Variants in RNF213 observed in about 807,000 individuals in gnomAD.
RNF213 encodes E3 ubiquitin-protein ligase RNF213.
A neutral mutation model predicts 514.4 loss-of-function variants in RNF213; 341 were observed. That is an observed-to-expected ratio of 0.66 (90% CI 0.61 to 0.73). The LOEUF (loss-of-function observed/expected upper bound fraction) is 0.73, where lower values mean the gene tolerates loss of function less well. Among genes scored for constraint, RNF213 ranks in the 30% least tolerant of loss-of-function variants. The probability of loss-of-function intolerance (pLI) is 0.00; values close to 1 mark genes in which losing one functional copy is unlikely to be tolerated. For synonymous variants in RNF213, 2,655 were observed against 2,658.2 expected (o/e 1.00, Z 0.04); for missense variants, 5,767 against 6,615.6 (o/e 0.87, Z 4.45).
Position 80,307,333 on chromosome 17 carries a change from C to T in RNF213, c.2501+132C>T, listed in dbSNP as rs1468187841. 5 of 688,762 alleles carry T rather than the reference C, an allele frequency of 7.3e-6. No homozygotes were observed. In the Admixed American group the frequency reaches 1.1e-4, roughly 15 times the overall value. The allele number at this position is 688,762 out of a possible 1,614,324, so 42.7% of individuals were successfully genotyped here. ...TCATAAATTAATATGTGGCCCACTT[C>T]TCTTCTCAGGTTATTAATATTGTCG... is the stretch of plus-strand genomic sequence containing the variant. On this transcript the variant is annotated intron_variant, in intron 13 of 67. Transcript: ENST00000582970.
Position 80,294,740 on chromosome 17 carries a change from A to T in RNF213, c.1492A>T (p.Ile498Leu). 6.2e-7 allele frequency: 1 copy of T among 1,614,000 alleles called. No individual in the cohort carries two copies. The highest frequency in any genetic ancestry group is 8.5e-7 in the Non-Finnish European group (1 of 1,180,026). ...GSGDWHQYYD[I>L]VYMKPHGRLQ... ...CTTAGACTGGCATCAGTACTATGAC[A>T]TAGTTTATATGAAGCCTCATGGGAG... Residue 498 changes from isoleucine (I) to leucine (L), a missense_variant, in exon 9 of 68, where the codon ATA becomes TTA. Coordinates refer to ENST00000582970, the MANE Select transcript of RNF213 (RefSeq NM_001256071.3).
chr17:80,356,036 C>CTA lies in RNF213; in HGVS notation c.10862+1461_10862+1462insAT, dbSNP rs530999194. Among the ~76,000 whole-genome samples the CTA allele has an allele frequency of 4.5e-3, 677 of 149,548 alleles. 5 individuals are homozygous for CTA. Among genetic ancestry groups the CTA allele is most frequent in the African/African-American group, 0.015 (601 of 40,508 alleles). Reference sequence around the variant, plus strand: ...TTTTTTTTTGAGACGGAGTCTCACTCTGTCGCCCAGGCTGGAGTGCAGTGA... The same window carrying CTA: ...TTTTTTTTTGAGACGGAGTCTCACTCTATGTCGCCCAGGCTGGAGTGCAGTGA... On this transcript the variant is annotated intron_variant, in intron 36 of 67. Transcript: ENST00000582970.
chr17:80,350,876 G>GT (rs1486600983), intron 31 of RNF213, among the ~76,000 whole-genome samples: 1 of 152,242 alleles, frequency 6.6e-6, no homozygotes, highest in Admixed American at 6.5e-5. Flanking sequence ...TTTGAAGCCT[G>GT]TGTTTGTAGA....
intron 10 of RNF213, among the ~76,000 whole-genome samples, chr17:80,297,743 T>C (rs2045011579): frequency 6.9e-6 from 1 of 144,590 alleles, no homozygotes. Context: ...GCCAAGATCG[T>C]GCCACTGCGC....
rs1555652451 is a variant in RNF213, at chr17:80,313,783, T to TGGTGGTGGAGGTGATGGTGGA, written c.2811+623_2811+624insGAGGTGATGGTGGAGGTGGTG. Among the ~76,000 whole-genome samples, 1,177 of 130,126 alleles carry TGGTGGTGGAGGTGATGGTGGA rather than the reference T, an allele frequency of 9.0e-3. 113 individuals are homozygous for TGGTGGTGGAGGTGATGGTGGA. The highest frequency in any genetic ancestry group is 0.014 in the Non-Finnish European group (810 of 56,398). The allele number at this position is 130,126 out of a possible 152,430, so 85.4% of individuals were successfully genotyped here. On this transcript the variant is annotated intron_variant, in intron 15 of 67. Coordinates refer to ENST00000582970, the MANE Select transcript of RNF213 (RefSeq NM_001256071.3). ...GTGGTGGAGGTACTGGAGGTGATGG[T>TGGTGGTGGAGGTGATGGTGGA]GGTGGTGAAGGTGATGGTGGAGGTA...
chr17:80,393,438 CAG>C lies in RNF213; in HGVS notation c.15565_15566del (p.Ser5189LeufsTer44). 1 of 1,614,162 alleles carries C rather than the reference CAG, an allele frequency of 6.2e-7. No homozygotes were observed. Among genetic ancestry groups the C allele is most frequent in the South Asian group, 1.1e-5 (1 of 91,084 alleles). On this transcript the variant is annotated frameshift_variant, in exon 68 of 68. Transcript: ENST00000582970. LOFTEE classifies it low-confidence loss of function (END_TRUNC). ...AGTTCCCAGAAGAGATACTGCTCGC[CAG>C]CTGTGTCTCAGTGTGGAAAACAGCT... ...SQFPEEILLA[S>X]CVSVWKTAAV...
Position 80,345,168 on chromosome 17 carries a change from T to G in RNF213, c.6833T>G (p.Met2278Arg), listed in dbSNP as rs1012427419. The G allele has an allele frequency of 6.2e-7, 1 of 1,614,122 alleles. No homozygotes were observed. The highest frequency in any genetic ancestry group is 1.7e-5 in the Admixed American group (1 of 60,008). ...TCTGACCAAAGCCCGGGGAAGCACA[T>G]GGTCACCATGGATGGGGTTAGGGAA... The part of the protein sequence containing the change: ...HTSDQSPGKH[M>R]VTMDGVREED... Residue 2278 changes from methionine to arginine, a missense_variant, in exon 29 of 68, where the codon ATG becomes AGG. By Grantham distance (91) the Met-to-Arg change is moderately conservative. Around this residue, in one of 13 missense-constraint regions of RNF213, gnomAD observed 1,377 missense variants for 1,635.2 expected, o/e 0.84. Transcript: ENST00000582970. The surrounding 1 kb of genome is among the most constrained non-coding windows in gnomAD (Gnocchi z 6.0).
chr17:80,324,242 A>T (rs1361117051), intron 17 of RNF213, among the ~76,000 whole-genome samples: 1 of 152,132 alleles, frequency 6.6e-6, no homozygotes. Flanking sequence ...GATGCCCTTT[A>T]TCAGTTTGTG....
chr17:80,299,417 T>C (rs190417594), intron 11 of RNF213, among the ~76,000 whole-genome samples: 36 of 152,324 alleles, frequency 2.4e-4, no homozygotes, highest in Non-Finnish European at 4.4e-4. Context: ...CTAAACCATT[T>C]ATACCTTTGC....
chr17:80,267,951 C>G (rs994398329), intron 2 of RNF213, among the ~76,000 whole-genome samples: 5 of 151,838 alleles, frequency 3.3e-5, no homozygotes, highest in Non-Finnish European at 5.9e-5. Flanking sequence ...TCCCAAGTAG[C>G]TGGGATTACA....
At position 80,363,697 on chromosome 17, in the gene RNF213, TG is replaced by T. The variant is rs764044027; in HGVS notation, c.11658del (p.Lys3887ArgfsTer49). On this transcript the variant is annotated frameshift_variant, in exon 41 of 68. Coordinates refer to ENST00000582970, the MANE Select transcript of RNF213 (RefSeq NM_001256071.3). LOFTEE classifies it high-confidence loss of function. ...KPSPQAWLQLVKNLSMPLELI... is the reference protein window; with the variant it reads ...KPSPQAWLQLXKNLSMPLELI... ...AGTCCCCAGGCGTGGCTACAGTTGG[TG>T]AAGAATCTTTCCATGCCGCTGGAGC... The T allele has an allele frequency of 1.9e-6, 3 of 1,613,806 alleles. No individual in the cohort carries two copies. In the East Asian group the frequency reaches 6.7e-5, roughly 36 times the overall value.
In RNF213 at chr17:80,289,998, G is replaced by C. The variant is rs565227308; in HGVS notation, c.1112+161G>C. On this transcript the variant is annotated intron_variant, in intron 6 of 67. Transcript: ENST00000582970. Reference sequence around the variant, plus strand: ...AGGGGACCACTTAGGAGGTGGAGGGGGGTGGGCACCTGTGCCAGTTTCTTG... The same window carrying C: ...AGGGGACCACTTAGGAGGTGGAGGGCGGTGGGCACCTGTGCCAGTTTCTTG... 5.3e-5 allele frequency among the ~76,000 whole-genome samples: 8 copies of C among 152,322 alleles called. No homozygotes were observed. In the South Asian group the frequency reaches 1.7e-3, roughly 32 times the overall value.
chr17:80,315,124 A>T (rs1238959471), intron 15 of RNF213, among the ~76,000 whole-genome samples: 1 of 8,182 alleles, frequency 1.2e-4, no homozygotes, highest in Admixed American at 1.5e-3. Flanking sequence ...GTGATGGTGG[A>T]GGTACTGGAG....
rs2044877233 is a variant in RNF213, at chr17:80,294,891, A to G, written c.1643A>G (p.Asn548Ser). 6.2e-7 allele frequency: 1 copy of G among 1,614,200 alleles called. No homozygotes were observed. The change falls in exon 9 of 68, where the codon AAC becomes AGC. Residue 548 changes from asparagine to serine, a missense_variant. Asn to Ser is a conservative substitution (Grantham distance 46, BLOSUM62 1). This residue lies in a region of RNF213 where 592 missense variants were observed against 673.9 expected (regional missense o/e 0.88). Transcript: ENST00000582970. ...ATCCTGCAGACCTGGGACACCATCA[A>G]CCTGAACAGCTTCTTCACCCAGTTC... ...FSILQTWDTI[N>S]LNSFFTQFEQ...
Position 80,343,187 on chromosome 17 carries a change from G to A in RNF213, c.6045G>A (p.Val2015=), listed in dbSNP as rs112305796. 1.3e-4 allele frequency: 206 copies of A among 1,614,076 alleles called. No individual in the cohort carries two copies. In the African/African-American group the frequency reaches 1.7e-3, roughly 14 times the overall value. Residue 2015 remains valine (V), a synonymous_variant, in exon 27 of 68, where the codon GTG becomes GTA. Transcript: ENST00000582970. This position sits in a 1 kb window ranked among gnomAD's most constrained non-coding sequence, Gnocchi z 4.3. ...ACAAAATGAAGATGCAGTTAAACGT[G>A]AAAAATGTGCCTCTGAAAACAATTC... ...LHDKMKMQLN[V]KNVPLKTIRL... is the part of the protein sequence containing the mutation.
intron 15 of RNF213, among the ~76,000 whole-genome samples, chr17:80,314,156 GGT>G (rs2045728490): frequency 2.4e-5 from 3 of 127,638 alleles, no homozygotes; most frequent in Admixed American, 7.2e-5. Context: ...TGATGGTGGT[GGT>G]GTAGGTGATG....
At chr17:80,324,953 G>T (rs1347967790) in intron 17 of RNF213, 77 bp from the exon 18 acceptor site, 2 of 1,343,710 alleles carry the variant, frequency 1.5e-6, no homozygotes, top group Admixed American at 4.0e-5. Flanking sequence ...CTATCGAGTA[G>T]GTAATTTGCT....
Position 80,290,436 on chromosome 17 carries a change from TGTGCATGTGTGTGTGCGA to T in RNF213, c.1113-117_1113-100del, listed in dbSNP as rs1323432686. 1,272 of 1,056,384 alleles carry T rather than the reference TGTGCATGTGTGTGTGCGA, an allele frequency of 1.2e-3. 9 individuals carry two copies. The African/African-American group carries it at 0.014, about 12-fold the overall frequency. 65.4% of individuals were successfully genotyped at this position (1,056,384 alleles called of 1,614,324 possible). A position where few individuals can be genotyped will look rare whatever the true frequency, so the allele number is the denominator to read the frequency against. The stretch of plus-strand genomic sequence containing the variant: ...GTGCGTGTGTGCGAGTGTGCGCGTG[TGTGCATGTGTGTGTGCGA>T]GTGCATGTGTGTGTGCACGTGTGTG... On this transcript the variant is annotated intron_variant, in intron 6 of 67. Coordinates refer to ENST00000582970, the MANE Select transcript of RNF213 (RefSeq NM_001256071.3).
Position 80,367,438 on chromosome 17 carries a change from G to C in RNF213, c.11872-310G>C, listed in dbSNP as rs1308671261. Among the ~76,000 whole-genome samples the C allele has an allele frequency of 3.9e-5, 6 of 152,184 alleles. No homozygotes were observed. The South Asian group carries it at 1.0e-3, about 26-fold the overall frequency. ...AAATGCTGAGATTTCTTAAAGCTTG[G>C]TGGGGGGTATACAGATGGTCATTAT... On this transcript the variant is annotated intron_variant, in intron 42 of 67. Coordinates refer to ENST00000582970, the MANE Select transcript of RNF213 (RefSeq NM_001256071.3).
Sources: gnomAD v4.1 joint callset for allele counts (sites outside exome capture counted in the v4.1 genomes callset) on GRCh38, gnomAD v4.1.1 for gene constraint, gnomAD v4.1.1 regional missense constraint, Gnocchi (gnomAD v3.1) non-coding constraint, MANE v1.5 for transcripts, NCBI Gene and HGNC (gene_info 2026-07-23, HGNC 2026-07-21) for gene names.